The following TSC1 variants were observed in gnomAD, a reference collection of about 807,000 sequenced individuals.
The protein encoded by TSC1 is TSC complex subunit 1.
Under a neutral mutation model 124.3 loss-of-function variants are expected in TSC1, and 20 were observed. That is an observed-to-expected ratio of 0.16 (90% confidence interval 0.11 to 0.23). The LOEUF (loss-of-function observed/expected upper bound fraction) is 0.23, where lower values mean the gene tolerates loss of function less well. TSC1 is among the 10% of genes least tolerant of loss of function. The pLI, the probability that TSC1 is intolerant of heterozygous loss-of-function variation, is 1.00. For missense variants in TSC1, 1,124 were observed against 1,448.5 expected, an observed-to-expected ratio of 0.78 and a Z score of 3.64; for synonymous variants, 493 against 539.1, an observed-to-expected ratio of 0.91 and a Z score of 1.19.
chr9:132,921,939 A>C lies in TSC1; in HGVS notation c.543T>G (p.His181Gln), dbSNP rs762139762. Residue 181 changes from histidine to glutamine, a missense_variant, in exon 7 of 23, where the codon CAT becomes CAG. By Grantham distance (24) the His-to-Gln change is conservative. Transcript: ENST00000298552. The surrounding 1 kb of genome is among the most constrained non-coding windows in gnomAD (Gnocchi z 4.3). Reference sequence around the variant, plus strand: ...GATGAAAGAGTGCGTACACACTGGCATGGAGATGGACGAGATAGACTTCCG... The same window carrying C: ...GATGAAAGAGTGCGTACACACTGGCCTGGAGATGGACGAGATAGACTTCCG... ...HVAEVYLVHL[H>Q]ASVYALFHRL... 1 of 1,614,220 alleles carries C rather than the reference A, an allele frequency of 6.2e-7. No homozygotes were observed. The highest frequency in any genetic ancestry group is 1.1e-5 in the South Asian group (1 of 91,086).
intron 8 of TSC1, among the ~76,000 whole-genome samples, chr9:132,917,819 A>C (rs958962309): frequency 6.6e-6 from 1 of 152,004 alleles, no homozygotes; most frequent in Non-Finnish European, 1.5e-5. Flanking sequence ...TTTAATTTTG[A>C]AGAGTTCTTT....
At chr9:132,940,426 G>A (rs1026552272) in intron 1 of TSC1, among the ~76,000 whole-genome samples, 1 of 152,088 alleles carries the variant, frequency 6.6e-6, no homozygotes, top group Non-Finnish European at 1.5e-5. Context: ...TTGGTCCATA[G>A]CTTCCCACAG....
Position 132,900,535 on chromosome 9 carries a change from G to A in TSC1, c.2625+180C>T, listed in dbSNP as rs934448608. On this transcript the variant is annotated intron_variant, in intron 20 of 22. Coordinates refer to ENST00000298552, the MANE Select transcript of TSC1 (RefSeq NM_000368.5). ...TTAACTTCAAAGCAACCCAATAGGA[G>A]AAACAAGCTCACATGGTGGCTGGAA... The A allele has an allele frequency of 3.1e-6, 3 of 972,290 alleles. No individual in the cohort carries two copies. The African/African-American group carries it at 4.8e-5, about 16-fold the overall frequency. 60.2% of individuals were successfully genotyped at this position (972,290 alleles called of 1,614,324 possible).
In TSC1 at chr9:132,928,865, TG is replaced by T; in HGVS notation, c.7del (p.Gln3AsnfsTer23). ...AAGAAGCTCCCCGACATTTGCTTGT[TG>T]GGCCATTCTCTCGCTCGAAGGCGCT... MA[Q>X]QANVGELLAM... On this transcript the variant is annotated frameshift_variant, in exon 3 of 23. Transcript: ENST00000298552. LOFTEE classifies it high-confidence loss of function. 6.2e-7 allele frequency: 1 copy of T among 1,614,190 alleles called. No individual in the cohort carries two copies. The highest frequency in any genetic ancestry group is 8.5e-7 in the Non-Finnish European group (1 of 1,180,026).
At position 132,928,936 on chromosome 9, in the gene TSC1, T is replaced by C. The variant is rs561540358; in HGVS notation, c.-64A>G. 2.3e-5 allele frequency: 37 copies of C among 1,608,260 alleles called. No individual in the cohort carries two copies. The highest frequency in any genetic ancestry group is 4.4e-5 in the South Asian group (4 of 90,590). On this transcript the variant is annotated 5_prime_UTR_variant, in exon 3 of 23. An upstream start codon of the reference 5' UTR is lost. Coordinates refer to ENST00000298552, the MANE Select transcript of TSC1 (RefSeq NM_000368.5). ...TGCTACAGGTTCTGAAGGTTCTTCA[T>C]TGGGGCCACTACCAAACTGAGAAAA...
At chr9:132,912,518 G>A (rs1252359175) in intron 8 of TSC1, 61 bp from the exon 9 acceptor site, 2 of 1,598,978 alleles carry the variant, frequency 1.3e-6, no homozygotes, top group East Asian at 4.5e-5. Flanking sequence ...AAATACTTCA[G>A]AGTGTCAACT....
chr9:132,937,882 T>C (rs571560120), intron 1 of TSC1, among the ~76,000 whole-genome samples: 1 of 152,156 alleles, frequency 6.6e-6, no homozygotes, highest in South Asian at 2.1e-4. Context: ...GCCCAACTAA[T>C]TTTTGTATTT....
At chr9:132,917,604 T>TTACAGGCG (rs1227482757) in intron 8 of TSC1, among the ~76,000 whole-genome samples, 1 of 152,200 alleles carries the variant, frequency 6.6e-6, no homozygotes, top group African/African-American at 2.4e-5. Flanking sequence ...AGTGCTAGGA[T>TTACAGGCG]TACAGGCGTG....
At chr9:132,935,655 G>T (rs1847421123) in intron 1 of TSC1, among the ~76,000 whole-genome samples, 1 of 152,198 alleles carries the variant, frequency 6.6e-6, no homozygotes, top group South Asian at 2.1e-4. Context: ...TGGGCCTGCA[G>T]GGCCTCACCG....
intron 4 of TSC1, 189 bp downstream of exon 4, chr9:132,927,012 T>C: frequency 1.6e-6 from 1 of 623,274 alleles, no homozygotes; most frequent in Non-Finnish European, 2.8e-6. Flanking sequence ...TGTTTTATTT[T>C]GTAAACTTTT....
rs1041962834 is a variant in TSC1 at position 132,892,264 on chromosome 9, A to G, written c.*3971T>C. The G allele has an allele frequency of 9.0e-5, 21 of 233,418 alleles. No individual in the cohort carries two copies. The highest frequency in any genetic ancestry group is 2.2e-4 in the African/African-American group (10 of 45,494). The allele number at this position is 233,418 out of a possible 1,614,324, so 14.5% of individuals were successfully genotyped here. ...GACCTAAACTTGTTCTTTCACCTAC[A>G]GACAAAAGCTTAATCAAGTGCAATC... On this transcript the variant is annotated 3_prime_UTR_variant, in exon 23 of 23. Coordinates refer to ENST00000298552, the MANE Select transcript of TSC1 (RefSeq NM_000368.5).
intron 2 of TSC1, 94 bp downstream of exon 2, chr9:132,934,939 C>A: frequency 2.5e-6 from 1 of 398,330 alleles, no homozygotes. Context: ...TGGCAAGTAG[C>A]TAAAACTGTA....
intron 1 of TSC1, among the ~76,000 whole-genome samples, chr9:132,935,304 AT>A (rs1373586011): frequency 6.6e-6 from 1 of 152,164 alleles, no homozygotes; most frequent in Non-Finnish European, 1.5e-5. Flanking sequence ...AATTCTTTAT[AT>A]TGTGCTGAAC....
rs2131706030 is a variant in TSC1, at chr9:132,901,640, G to A, written c.2451C>T (p.Ala817=). The A allele has an allele frequency of 1.2e-6, 2 of 1,614,052 alleles. No homozygotes were observed. The highest frequency in any genetic ancestry group is 1.7e-6 in the Non-Finnish European group (2 of 1,180,028). ...GCTCAGTGTGACACACCTTGTTGTT[G>A]GCCTTCTTCAGTTCTATCCGCAGCT... ...IAELRIELKK[A]NNKVCHTELL... is the part of the protein sequence containing the mutation. Residue 817 remains alanine (A), a synonymous_variant, in exon 19 of 23, where the codon GCC becomes GCT. Transcript: ENST00000298552.
chr9:132,927,652 A>T (rs896703142), intron 3 of TSC1, among the ~76,000 whole-genome samples: 1 of 149,908 alleles, frequency 6.7e-6, no homozygotes, highest in African/African-American at 2.5e-5. Flanking sequence ...CCTCCCAAGT[A>T]GCTAGCTGGG....
At position 132,896,590 on chromosome 9, in the gene TSC1, G is replaced by A. The variant is rs587778726; in HGVS notation, c.3140C>T (p.Thr1047Ile). The change falls in exon 23 of 23, where the codon ACC becomes ATC. Residue 1047 changes from threonine to isoleucine, a missense_variant. Physicochemically the swap from Thr to Ile is moderately conservative, Grantham distance 89 (BLOSUM62 -1). Coordinates refer to ENST00000298552, the MANE Select transcript of TSC1 (RefSeq NM_000368.5). The surrounding 1 kb of genome is among the most constrained non-coding windows in gnomAD (Gnocchi z 4.5). Reference sequence around the variant, plus strand: ...CCTCTGGTGTGGGGGTTTCTCTGGGGTAGAAAGCTCGCTGCTGCTGCTGCT... The same window carrying A: ...CCTCTGGTGTGGGGGTTTCTCTGGGATAGAAAGCTCGCTGCTGCTGCTGCT... The part of the protein sequence containing the change: ...GSSSSSSELS[T>I]PEKPPHQRAG... 7.4e-6 allele frequency: 12 copies of A among 1,613,768 alleles called. No homozygotes were observed. The highest frequency in any genetic ancestry group is 3.3e-5 in the South Asian group (3 of 91,078).
chr9:132,917,768 C>T (rs1489822800), intron 8 of TSC1, among the ~76,000 whole-genome samples: 1 of 152,170 alleles, frequency 6.6e-6, no homozygotes, highest in East Asian at 1.9e-4. Context: ...AGAAAAGTAT[C>T]TCCCAATTCT....
chr9:132,905,543 G>A (rs535664790), intron 15 of TSC1, 38 bp downstream of exon 15: 2 of 1,612,206 alleles, frequency 1.2e-6, no homozygotes, highest in South Asian at 1.1e-5. Flanking sequence ...CAATAAAATG[G>A]ACCATTTAAC....
intron 8 of TSC1, 35 bp from the exon 9 acceptor site, chr9:132,912,492 T>C (rs1303243836): frequency 6.2e-7 from 1 of 1,612,478 alleles, no homozygotes; most frequent in African/African-American, 1.3e-5. Context: ...AAATGCAAAC[T>C]GTAATCAACT....
Sources: gnomAD v4.1 joint callset for allele counts (sites outside exome capture counted in the v4.1 genomes callset) on GRCh38, gnomAD v4.1.1 for gene constraint, Gnocchi (gnomAD v3.1) non-coding constraint, MANE v1.5 for transcripts, NCBI Gene and HGNC (gene_info 2026-07-23, HGNC 2026-07-21) for gene names.